MGAT4C: variants seen among roughly 807,000 people sequenced by gnomAD.
The protein encoded by MGAT4C is alpha-1,3-mannosyl-glycoprotein 4-beta-N-acetylglucosaminyltransferase C.
Under a neutral mutation model 40.1 loss-of-function variants are expected in MGAT4C, and 19 were observed. That is an observed-to-expected ratio of 0.47 (90% CI 0.33 to 0.70). The LOEUF (loss-of-function observed/expected upper bound fraction) is 0.70, where lower values mean the gene tolerates loss of function less well. Among genes scored for constraint, MGAT4C ranks in the 30% least tolerant of loss-of-function variants. The probability of loss-of-function intolerance (pLI) is 0.02; values close to 1 mark genes in which losing one functional copy is unlikely to be tolerated. For missense variants in MGAT4C, 491 were observed against 563.2 expected, an observed-to-expected ratio of 0.87 and a Z score of 1.30; for synonymous variants, 181 against 187.1, an observed-to-expected ratio of 0.97 and a Z score of 0.27.
chr12:86,130,474 T>A (rs1286464042), intron 1 of MGAT4C, among the ~76,000 whole-genome samples: 1 of 152,066 alleles, frequency 6.6e-6, no homozygotes, highest in Non-Finnish European at 1.5e-5. Flanking sequence ...TTATAAAAAG[T>A]AGATAATATA....
intron 3 of MGAT4C, among the ~76,000 whole-genome samples, chr12:86,341,981 C>T (rs375899903): frequency 2.0e-5 from 3 of 152,262 alleles, no homozygotes; most frequent in Middle Eastern, 3.4e-3. Context: ...GGACCCCCAG[C>T]GCAGCAGAGC....
chr12:86,362,458 CA>C (rs1451288515), intron 3 of MGAT4C, among the ~76,000 whole-genome samples: 1 of 147,138 alleles, frequency 6.8e-6, no homozygotes, highest in Non-Finnish European at 1.5e-5. Flanking sequence ...GCACATTGTG[CA>C]CATGTACCCT....
intron 2 of MGAT4C, among the ~76,000 whole-genome samples, chr12:86,591,810 A>G (rs1198181013): frequency 6.6e-6 from 1 of 151,776 alleles, no homozygotes; most frequent in Admixed American, 6.6e-5. Context: ...TCAAAGAATC[A>G]TCTCATTTTT....
intron 1 of MGAT4C, among the ~76,000 whole-genome samples, chr12:86,251,128 C>A (rs1164800334): frequency 1.1e-5 from 1 of 90,386 alleles, no homozygotes. Context: ...ACTTTTATTT[C>A]CCGTTTTTTT....
chr12:86,786,581 CTT>C (rs148441387), intron 1 of MGAT4C, among the ~76,000 whole-genome samples: 1 of 147,666 alleles, frequency 6.8e-6, no homozygotes, highest in East Asian at 2.0e-4. Context: ...TCTGCTCAAA[CTT>C]TTTTTTTTTC....
At chr12:86,774,315 C>CTTTCTTTCTTTCTTTTCTTTCTTTCTT (rs1555227764) in intron 1 of MGAT4C, among the ~76,000 whole-genome samples, 2 of 59,328 alleles carry the variant, frequency 3.4e-5, no homozygotes, top group Non-Finnish European at 7.6e-5. Flanking sequence ...TTCTTTCTTT[C>CTTTCTTTCTTTCTTTTCTTTCTTTCTT]TTTCTTTCTT....
At chr12:86,169,945 G>A (rs1435595441) in intron 1 of MGAT4C, among the ~76,000 whole-genome samples, 2 of 152,170 alleles carry the variant, frequency 1.3e-5, no homozygotes, top group East Asian at 1.9e-4. Context: ...TCAAAGGTTA[G>A]CAAAGGAAAT....
In MGAT4C at chr12:86,182,137, T is replaced by A. The variant is rs745460864; in HGVS notation, c.-57+74102A>T. On this transcript the variant is annotated intron_variant, in intron 1 of 4. Transcript: ENST00000611864. ...TTGTCTTCCCCATCCTCTTGGACATTGAATAAAATGATTACTGTGAATATC... is the reference window on the plus strand; with the variant it reads ...TTGTCTTCCCCATCCTCTTGGACATAGAATAAAATGATTACTGTGAATATC... 2.6e-5 allele frequency among the ~76,000 whole-genome samples: 4 copies of A among 152,264 alleles called. No homozygotes were observed. The South Asian group carries it at 8.3e-4, about 32-fold the overall frequency.
At chr12:86,276,617 T>C (rs1953087149) in intron 4 of MGAT4C, among the ~76,000 whole-genome samples, 1 of 152,230 alleles carries the variant, frequency 6.6e-6, no homozygotes, top group Admixed American at 6.5e-5. Flanking sequence ...ACCATCCTTC[T>C]ACTTTCTATC....
rs879431575 is a variant in MGAT4C, at chr12:85,969,695, AATT to A, written c.*9591_*9593del. 2 of 151,562 alleles carry A rather than the reference AATT, an allele frequency of 1.3e-5. No homozygotes were observed. The highest frequency in any genetic ancestry group is 6.6e-5 in the Admixed American group (1 of 15,176). 9.4% of individuals were successfully genotyped at this position (151,562 alleles called of 1,614,324 possible). On this transcript the variant is annotated 3_prime_UTR_variant, in exon 5 of 5. Coordinates refer to ENST00000611864, the MANE Select transcript of MGAT4C (RefSeq NM_001351288.2). ...ATCTTAGACAAATGGGTTTTCAATA[AATT>A]ATTATTATAGTTAGGAGGCAATGTA...
chr12:86,648,356 T>C lies in MGAT4C; in HGVS notation c.-229+78853A>G, dbSNP rs115580737. On this transcript the variant is annotated intron_variant, in intron 2 of 7. Transcript: ENST00000548651. ...TTGATGTGGTTTTGTTGTCAGAAAATATGGTGAGCATATTCATCTGTTGAA... is the reference window on the plus strand; with the variant it reads ...TTGATGTGGTTTTGTTGTCAGAAAACATGGTGAGCATATTCATCTGTTGAA... 6.7e-3 allele frequency among the ~76,000 whole-genome samples: 1,016 copies of C among 152,036 alleles called. 16 individuals carry two copies. Among genetic ancestry groups the C allele is most frequent in the African/African-American group, 0.024 (978 of 41,548 alleles).
intron 3 of MGAT4C, among the ~76,000 whole-genome samples, chr12:86,335,380 T>C (rs1181661385): frequency 1.3e-5 from 2 of 152,088 alleles, no homozygotes; most frequent in African/African-American, 4.8e-5. Context: ...CCCTTTGAAA[T>C]GTAAACATAA....
At chr12:86,779,362 A>G (rs150248371) in intron 1 of MGAT4C, among the ~76,000 whole-genome samples, 164 of 152,248 alleles carry the variant, frequency 1.1e-3, no homozygotes, top group Non-Finnish European at 1.8e-3. Flanking sequence ...TGGGAGGCCA[A>G]CGTGGGAGGA....
intron 2 of MGAT4C, among the ~76,000 whole-genome samples, chr12:86,700,334 C>CTG (rs767616614): frequency 1.3e-3 from 189 of 149,586 alleles, no homozygotes; most frequent in South Asian, 3.2e-3. Flanking sequence ...GAGAGAGAGA[C>CTG]TGTGTGTGTG....
intron 1 of MGAT4C, among the ~76,000 whole-genome samples, chr12:86,775,151 G>C (rs1002653525): frequency 3.3e-5 from 5 of 152,094 alleles, no homozygotes; most frequent in South Asian, 4.1e-4. Context: ...TTGCACACAG[G>C]CACAGACACA....
intron 1 of MGAT4C, among the ~76,000 whole-genome samples, chr12:86,774,279 T>TGCTC (rs1401924649): frequency 1.5e-3 from 106 of 71,946 alleles, no homozygotes; most frequent in Admixed American, 3.0e-3. Flanking sequence ...TTCTAAGGCT[T>TGCTC]GCTCTTTCTT....
chr12:86,743,034 TATGTGTGTTTTGC>T (rs1364659254), intron 1 of MGAT4C, among the ~76,000 whole-genome samples: 3 of 151,228 alleles, frequency 2.0e-5, no homozygotes, highest in African/African-American at 4.8e-5. Flanking sequence ...TGTGTATGTG[TATGTGTGTTTTGC>T]ATGTGTGTAT....
At chr12:86,222,747 AT>A (rs1316902258) in intron 1 of MGAT4C, among the ~76,000 whole-genome samples, 1 of 152,056 alleles carries the variant, frequency 6.6e-6, no homozygotes, top group Non-Finnish European at 1.5e-5. Context: ...TCACAGAGAG[AT>A]TTTACTTTTG....
intron 1 of MGAT4C, among the ~76,000 whole-genome samples, chr12:86,232,630 G>T (rs1951370835): frequency 6.6e-6 from 1 of 152,158 alleles, no homozygotes; most frequent in Admixed American, 6.5e-5. Context: ...ATTGAGAAGG[G>T]AGCCGAATAC....
Sources: gnomAD v4.1 joint callset for allele counts (sites outside exome capture counted in the v4.1 genomes callset) on GRCh38, gnomAD v4.1.1 for gene constraint, MANE v1.5 for transcripts, NCBI Gene and HGNC (gene_info 2026-07-23, HGNC 2026-07-21) for gene names.